The following MYO1D variants were observed in gnomAD, a reference collection of about 807,000 sequenced individuals.
MYO1D encodes myosin ID, also known as unconventional myosin-Id.
In MYO1D, 83 loss-of-function variants were observed where a neutral mutation model predicts 122.0. The ratio of observed to expected loss-of-function variants is 0.68; its 90% CI spans 0.57 to 0.82. MYO1D has a LOEUF of 0.82. MYO1D is among the 40% of genes least tolerant of loss of function. The pLI is 0.00. For synonymous variants in MYO1D, 464 were observed against 446.9 expected (o/e 1.04, Z -0.48); for missense variants, 1,157 against 1,269.5 (o/e 0.91, Z 1.35).
At chr17:32,859,660 C>T (rs920696720) in intron 1 of MYO1D, among the ~76,000 whole-genome samples, 22 of 152,348 alleles carry the variant, frequency 1.4e-4, no homozygotes, top group African/African-American at 5.0e-4. Context: ...AATTCATACG[C>T]AAGTATTTGA....
chr17:32,571,291 A>G (rs1003696258), intron 21 of MYO1D, among the ~76,000 whole-genome samples: 1 of 152,138 alleles, frequency 6.6e-6, no homozygotes, highest in Non-Finnish European at 1.5e-5. Flanking sequence ...GTAAATGGTC[A>G]AAAACTGACC....
At position 32,721,173 on chromosome 17, in the gene MYO1D, C is replaced by G. The variant is rs368634646; in HGVS notation, c.1763G>C (p.Arg588Pro). ...NLASKEPYYV[R>P]CIKPNDKKSP... Reference sequence around the variant, plus strand: ...TTTCTTGTCATTGGGTTTGATGCAACGAACGTAATATGGTTCCTAAAGAAA... The same window carrying G: ...TTTCTTGTCATTGGGTTTGATGCAAGGAACGTAATATGGTTCCTAAAGAAA... The change falls in exon 15 of 22, where the codon CGT becomes CCT. Residue 588 changes from arginine (R) to proline (P), a missense_variant. Physicochemically the swap from Arg to Pro is moderately radical, Grantham distance 103. Transcript: ENST00000318217. The G allele has an allele frequency of 6.2e-7, 1 of 1,613,518 alleles. No homozygotes were observed. Among genetic ancestry groups the G allele is most frequent in the Admixed American group, 1.7e-5 (1 of 59,906 alleles).
chr17:32,739,309 AG>A (rs1489838777), intron 13 of MYO1D, among the ~76,000 whole-genome samples: 2 of 151,950 alleles, frequency 1.3e-5, no homozygotes, highest in African/African-American at 4.8e-5. Flanking sequence ...AATACTATGC[AG>A]CCATAAAAAA....
rs1273820428 is a variant in MYO1D, at chr17:32,494,260, T to A, written c.*499A>T. On this transcript the variant is annotated 3_prime_UTR_variant, in exon 22 of 22. Transcript: ENST00000318217. Reference sequence around the variant, plus strand: ...AGTGGCTTTGGCTGGCGGCTGGGAGTTGGGTTGGGGTGGGTCCGCCGAACT... The same window carrying A: ...AGTGGCTTTGGCTGGCGGCTGGGAGATGGGTTGGGGTGGGTCCGCCGAACT... The A allele has an allele frequency of 6.5e-6, 1 of 153,636 alleles. No homozygotes were observed. Among genetic ancestry groups the A allele is most frequent in the Non-Finnish European group, 1.4e-5 (1 of 69,182 alleles). 9.5% of individuals were successfully genotyped at this position (153,636 alleles called of 1,614,324 possible).
intron 16 of MYO1D, among the ~76,000 whole-genome samples, chr17:32,687,357 C>T (rs556975398): frequency 1.1e-4 from 17 of 152,190 alleles, no homozygotes; most frequent in Admixed American, 2.6e-4. Context: ...CCACCACGCC[C>T]GGCTAATTTT....
At chr17:32,760,767 T>C in intron 8 of MYO1D, 140 bp from the exon 9 acceptor site, 3 of 853,488 alleles carry the variant, frequency 3.5e-6, no homozygotes, top group Non-Finnish European at 5.2e-6. Context: ...CAAATGAAAA[T>C]GTAGACTGTC....
At chr17:32,864,866 G>T (rs940935806) in intron 1 of MYO1D, among the ~76,000 whole-genome samples, 1 of 152,112 alleles carries the variant, frequency 6.6e-6, no homozygotes, top group Non-Finnish European at 1.5e-5. Context: ...ATAAGACTTT[G>T]TCTTGCCCTT....
chr17:32,632,955 C>G (rs866232354), intron 20 of MYO1D, among the ~76,000 whole-genome samples: 1 of 151,968 alleles, frequency 6.6e-6, no homozygotes, highest in African/African-American at 2.4e-5. Context: ...TGATCTCCCC[C>G]GCACAGAACA....
chr17:32,659,533 GT>G, intron 16 of MYO1D, 195 bp from the exon 17 acceptor site: 1 of 598,704 alleles, frequency 1.7e-6, no homozygotes, highest in East Asian at 2.8e-5. Flanking sequence ...CAGTCATTTT[GT>G]TTCAGCTGTC....
intron 14 of MYO1D, among the ~76,000 whole-genome samples, chr17:32,724,092 TA>T (rs1567966731): frequency 6.6e-6 from 1 of 152,284 alleles, no homozygotes; most frequent in East Asian, 1.9e-4. Context: ...GTAAGTTTTT[TA>T]AAAAACTTAA....
At chr17:32,633,202 A>G (rs945226015) in intron 20 of MYO1D, among the ~76,000 whole-genome samples, 1 of 152,160 alleles carries the variant, frequency 6.6e-6, no homozygotes, top group Non-Finnish European at 1.5e-5. Flanking sequence ...CCCAACTAAA[A>G]AGGCTAGAAA....
chr17:32,738,477 T>C, intron 13 of MYO1D, 92 bp from the exon 14 acceptor site: 1 of 1,299,052 alleles, frequency 7.7e-7, no homozygotes, highest in Non-Finnish European at 1.0e-6. Context: ...ATCCTGAGAA[T>C]CATAATTGGA....
At chr17:32,649,818 C>T (rs1179039280) in intron 19 of MYO1D, among the ~76,000 whole-genome samples, 3 of 152,068 alleles carry the variant, frequency 2.0e-5, no homozygotes, top group African/African-American at 4.8e-5. Flanking sequence ...GTGATCCACC[C>T]GCCTCAGCCT....
intron 16 of MYO1D, among the ~76,000 whole-genome samples, chr17:32,673,651 C>T (rs1004196969): frequency 1.3e-5 from 2 of 152,158 alleles, no homozygotes; most frequent in African/African-American, 4.8e-5. Context: ...TTCCCAGCTA[C>T]TTGAGAGGCT....
At chr17:32,767,196 T>C (rs2151020561) in intron 7 of MYO1D, among the ~76,000 whole-genome samples, 1 of 152,334 alleles carries the variant, frequency 6.6e-6, no homozygotes, top group South Asian at 2.1e-4. Flanking sequence ...TCTATGGTGT[T>C]GGCTCTGGGA....
chr17:32,639,650 C>A (rs2088165461), intron 19 of MYO1D, among the ~76,000 whole-genome samples: 1 of 152,086 alleles, frequency 6.6e-6, no homozygotes, highest in Admixed American at 6.6e-5. Context: ...GATCCTCCTG[C>A]CTCCTAAGTT....
chr17:32,868,069 T>C (rs2091145311), intron 1 of MYO1D, among the ~76,000 whole-genome samples: 1 of 151,758 alleles, frequency 6.6e-6, no homozygotes, highest in South Asian at 2.1e-4. Flanking sequence ...TTCCAAAGAG[T>C]CTAAAACGAT....
At chr17:32,584,093 C>G (rs1374800468) in intron 21 of MYO1D, among the ~76,000 whole-genome samples, 1 of 152,062 alleles carries the variant, frequency 6.6e-6, no homozygotes, top group African/African-American at 2.4e-5. Flanking sequence ...GGTGAGCCAC[C>G]ATGTCCAGCT....
At chr17:32,661,646 A>G (rs2088566756) in intron 16 of MYO1D, among the ~76,000 whole-genome samples, 1 of 115,154 alleles carries the variant, frequency 8.7e-6, no homozygotes, top group African/African-American at 3.4e-5. Flanking sequence ...TGGAAGTGAG[A>G]CCCTGTCCCA....
Sources: allele counts gnomAD v4.1 joint callset (sites outside exome capture counted in the v4.1 genomes callset), GRCh38; gene constraint gnomAD v4.1.1; transcripts MANE v1.5; gene names NCBI Gene and HGNC (gene_info 2026-07-23, HGNC 2026-07-21).